SULT2B1: variants seen among roughly 807,000 people sequenced by gnomAD.
The protein encoded by SULT2B1 is sulfotransferase 2B1.
SULT2B1 carries 16 observed loss-of-function variants against 33.2 expected under a neutral mutation model. The ratio of observed to expected loss-of-function variants is 0.48; its 90% CI spans 0.33 to 0.73. SULT2B1 has a LOEUF of 0.73. SULT2B1 is among the 30% of genes least tolerant of loss of function. The pLI, the probability that SULT2B1 is intolerant of heterozygous loss-of-function variation, is 0.02. For synonymous variants in SULT2B1, 186 were observed against 200.5 expected (o/e 0.93, Z 0.61); for missense variants, 500 against 506.0 (o/e 0.99, Z 0.11).
chr19:48,576,353 A>ATTTTTTTTTTT (rs1973406323), intron 2 of SULT2B1, among the ~76,000 whole-genome samples: 1 of 21,384 alleles, frequency 4.7e-5, no homozygotes, highest in African/African-American at 1.8e-4. Context: ...TTTACCCTCT[A>ATTTTTTTTTTT]CTTCTCTTTT....
In SULT2B1 at chr19:48,599,246, C is replaced by T. The variant is rs143292540; in HGVS notation, c.938C>T (p.Pro313Leu). ...CCGACCTTCCCCTGGGATGAAGACC[C>T]GGAGGAGGACGGCAGCCCAGATCCT... ...GMPTFPWDED[P>L]EEDGSPDPEP... The change falls in exon 7 of 7, where the codon CCG becomes CTG. Residue 313 changes from proline (P) to leucine (L), a missense_variant. Coordinates refer to ENST00000201586, the MANE Select transcript of SULT2B1 (RefSeq NM_177973.2). The surrounding 1 kb of genome is among the most constrained non-coding windows in gnomAD (Gnocchi z 4.1). 1.4e-5 allele frequency: 23 copies of T among 1,609,850 alleles called. No individual in the cohort carries two copies. The highest frequency in any genetic ancestry group is 4.4e-5 in the South Asian group (4 of 90,342).
At chr19:48,581,753 G>A (rs955191512) in intron 2 of SULT2B1, among the ~76,000 whole-genome samples, 8 of 150,850 alleles carry the variant, frequency 5.3e-5, no homozygotes, top group South Asian at 2.1e-4. Context: ...CACCGTGCCC[G>A]GCCGAGAGTT....
chr19:48,597,049 C>G (rs1201724107), intron 6 of SULT2B1, 130 bp downstream of exon 6: 1 of 1,084,246 alleles, frequency 9.2e-7, no homozygotes, highest in Non-Finnish European at 1.3e-6. Context: ...GTCACTGTGG[C>G]CCCAGGGTTG....
intron 2 of SULT2B1, among the ~76,000 whole-genome samples, chr19:48,584,827 G>T (rs922718907): frequency 7.2e-5 from 11 of 152,234 alleles, no homozygotes; most frequent in Admixed American, 6.6e-4. Flanking sequence ...AAGGCAGGTG[G>T]ATCACCTGAG....
intron 1 of SULT2B1, among the ~76,000 whole-genome samples, chr19:48,573,392 C>T (rs904194371): frequency 9.9e-5 from 15 of 152,084 alleles, no homozygotes; most frequent in African/African-American, 3.4e-4. Context: ...TGGGAACAAA[C>T]AGGCCTGTTT....
At chr19:48,582,253 A>G (rs1013861166) in intron 2 of SULT2B1, among the ~76,000 whole-genome samples, 4 of 152,134 alleles carry the variant, frequency 2.6e-5, no homozygotes, top group African/African-American at 9.7e-5. Context: ...ACATTGTCCC[A>G]TCTTGGAACT....
intron 5 of SULT2B1, chr19:48,595,721 A>G (rs1973704038): frequency 6.9e-6 from 1 of 145,476 alleles, no homozygotes. Flanking sequence ...AGGCTGTAGT[A>G]TAGTGGTGAG....
At chr19:48,578,380 G>A (rs1272338140) in intron 2 of SULT2B1, among the ~76,000 whole-genome samples, 2 of 152,008 alleles carry the variant, frequency 1.3e-5, no homozygotes, top group South Asian at 2.1e-4. Flanking sequence ...CTAGGCGTTC[G>A]AGAGCAGCCT....
intron 1 of SULT2B1, among the ~76,000 whole-genome samples, chr19:48,559,328 C>T (rs1486990533): frequency 6.6e-6 from 1 of 151,104 alleles, no homozygotes; most frequent in African/African-American, 2.4e-5. Flanking sequence ...GTTCAGAGTT[C>T]AGGACCCATT....
chr19:48,577,028 A>ATTTTTTTTTTTTTTTTTTTTT (rs71179012), intron 2 of SULT2B1, among the ~76,000 whole-genome samples: 1 of 92,954 alleles, frequency 1.1e-5, no homozygotes, highest in Non-Finnish European at 1.9e-5. Context: ...ACCCCCCTCT[A>ATTTTTTTTTTTTTTTTTTTTT]TTTTTTTTTT....
rs181278355 is a variant in SULT2B1, at chr19:48,572,201, C to G, written c.72-3740C>G. ...CTCCTGGGGCAAGGAGGCTATTGGT[C>G]TAGAAGGTCTGCATTTAGAGGGTGA... On this transcript the variant is annotated intron_variant, in intron 1 of 6. Coordinates refer to ENST00000201586, the MANE Select transcript of SULT2B1 (RefSeq NM_177973.2). Among the ~76,000 whole-genome samples, 271 of 152,194 alleles carry G rather than the reference C, an allele frequency of 1.8e-3. 2 individuals are homozygous for G. Among genetic ancestry groups the G allele is most frequent in the Non-Finnish European group, 3.1e-3 (209 of 68,002 alleles).
In SULT2B1 at chr19:48,599,094, C is replaced by T. The variant is rs1289577792; in HGVS notation, c.827-41C>T. 2 of 1,543,418 alleles carry T rather than the reference C, an allele frequency of 1.3e-6. No individual in the cohort carries two copies. The highest frequency in any genetic ancestry group is 4.8e-5 in the East Asian group (2 of 41,266). On this transcript the variant is annotated intron_variant, in intron 6 of 6. Transcript: ENST00000201586. The surrounding 1 kb of genome is among the most constrained non-coding windows in gnomAD (Gnocchi z 4.1). ...ATGTTGGAGGTAGGGGCGCAGTGCT[C>T]CCCAGAGGCTCCTCACCCCCTGGTG...
intron 3 of SULT2B1, 80 bp from the exon 4 acceptor site, chr19:48,591,529 C>T (rs1973642303): frequency 1.3e-6 from 2 of 1,500,942 alleles, no homozygotes; most frequent in Admixed American, 2.1e-5. Flanking sequence ...AGAGAGGGGT[C>T]TCCAGGGCAG....
Position 48,599,231 on chromosome 19 carries a change from C to T in SULT2B1, c.923C>T (p.Pro308Leu). Residue 308 changes from proline (P) to leucine (L), a missense_variant, in exon 7 of 7, where the codon CCC (proline) becomes CTC (leucine). Coordinates refer to ENST00000201586, the MANE Select transcript of SULT2B1 (RefSeq NM_177973.2). This position sits in a 1 kb window ranked among gnomAD's most constrained non-coding sequence, Gnocchi z 4.1. ...CAGATGCGGGGGATGCCGACCTTCCCCTGGGATGAAGACCCGGAGGAGGAC... is the reference window on the plus strand; with the variant it reads ...CAGATGCGGGGGATGCCGACCTTCCTCTGGGATGAAGACCCGGAGGAGGAC... ...RKQMRGMPTFPWDEDPEEDGS... is the reference protein window; with the variant it reads ...RKQMRGMPTFLWDEDPEEDGS... The T allele has an allele frequency of 6.2e-7, 1 of 1,609,428 alleles. No homozygotes were observed. Among genetic ancestry groups the T allele is most frequent in the African/African-American group, 1.3e-5 (1 of 74,890 alleles).
intron 3 of SULT2B1, among the ~76,000 whole-genome samples, chr19:48,590,869 T>G (rs184116698): frequency 6.6e-6 from 1 of 152,216 alleles, no homozygotes; most frequent in Non-Finnish European, 1.5e-5. Flanking sequence ...GGTCTCGTTC[T>G]GTCATGTAGG....
chr19:48,596,889 G>A lies in SULT2B1; in HGVS notation c.796G>A (p.Asp266Asn). 6.2e-7 allele frequency: 1 copy of A among 1,603,736 alleles called. No homozygotes were observed. ...NYTLLPPSLL[D>N]HRRGAFLRKG... Reference sequence around the variant, plus strand: ...CACGCTGCTGCCTCCCAGCCTGCTGGACCACCGTCGCGGGGCCTTCCTCCG... The same window carrying A: ...CACGCTGCTGCCTCCCAGCCTGCTGAACCACCGTCGCGGGGCCTTCCTCCG... The change falls in exon 6 of 7, where the codon GAC (aspartate) becomes AAC (asparagine). Residue 266 changes from aspartate to asparagine, a missense_variant. Physicochemically the swap from Asp to Asn is conservative, Grantham distance 23. Coordinates refer to ENST00000201586, the MANE Select transcript of SULT2B1 (RefSeq NM_177973.2).
At chr19:48,572,578 A>G (rs1349211957) in intron 1 of SULT2B1, among the ~76,000 whole-genome samples, 1 of 152,146 alleles carries the variant, frequency 6.6e-6, no homozygotes, top group Non-Finnish European at 1.5e-5. Flanking sequence ...GAGATGGGAA[A>G]GGCACTCAGA....
intron 1 of SULT2B1, among the ~76,000 whole-genome samples, chr19:48,571,419 A>T (rs1240095930): frequency 1.4e-5 from 2 of 140,988 alleles, no homozygotes; most frequent in South Asian, 2.3e-4. Flanking sequence ...CTGGTCTTGA[A>T]CTCCTGACCT....
intron 5 of SULT2B1, among the ~76,000 whole-genome samples, chr19:48,594,398 C>T (rs1405164764): frequency 1.3e-5 from 2 of 152,192 alleles, no homozygotes; most frequent in Non-Finnish European, 2.9e-5. Context: ...GCACATGGCT[C>T]TTGCCTGCAG....
Sources: allele counts gnomAD v4.1 joint callset (sites outside exome capture counted in the v4.1 genomes callset), GRCh38; gene constraint gnomAD v4.1.1; non-coding constraint Gnocchi (gnomAD v3.1); transcripts MANE v1.5; gene names NCBI Gene and HGNC (gene_info 2026-07-23, HGNC 2026-07-21).